The following ADD3 variants were observed in gnomAD, a reference collection of about 807,000 sequenced individuals.
ADD3 encodes the protein gamma-adducin.
A neutral mutation model predicts 80.2 loss-of-function variants in ADD3; 25 were observed. The observed-to-expected ratio is 0.31, with a 90% CI of 0.23 to 0.44. ADD3 has a LOEUF of 0.44. Ranked by LOEUF, ADD3 falls within the 20% of genes least tolerant of loss-of-function variation. The pLI is 1.00. For synonymous variants in ADD3, 284 were observed against 289.6 expected, an observed-to-expected ratio of 0.98 and a Z score of 0.20; for missense variants, 829 against 847.5, an observed-to-expected ratio of 0.98 and a Z score of 0.27.
intron 1 of ADD3, among the ~76,000 whole-genome samples, chr10:110,079,459 A>AGTGTGT (rs1238883360): frequency 2.7e-5 from 3 of 112,326 alleles, no homozygotes; most frequent in African/African-American, 9.3e-5. Context: ...AGAGAGAGAG[A>AGTGTGT]GAGTGTGTGT....
chr10:110,019,210 A>G (rs1853360387), intron 1 of ADD3, among the ~76,000 whole-genome samples: 1 of 151,956 alleles, frequency 6.6e-6, no homozygotes, highest in South Asian at 2.1e-4. Context: ...AATTTTTGTA[A>G]AATAACATTG....
chr10:110,073,346 G>T (rs1845007579), intron 1 of ADD3, among the ~76,000 whole-genome samples: 1 of 151,842 alleles, frequency 6.6e-6, no homozygotes, highest in African/African-American at 2.4e-5. Flanking sequence ...ATTTCACCGT[G>T]TTAGCCAGGA....
At chr10:110,022,142 T>C (rs929471529) in intron 1 of ADD3, among the ~76,000 whole-genome samples, 2 of 152,188 alleles carry the variant, frequency 1.3e-5, no homozygotes, top group South Asian at 2.1e-4. Flanking sequence ...GTCTAATTTT[T>C]TTTTTAACAC....
At chr10:110,075,590 T>G (rs903923172) in intron 1 of ADD3, 2 of 152,196 alleles carry the variant, frequency 1.3e-5, no homozygotes, top group African/African-American at 2.4e-5. Flanking sequence ...TTGGCTGTGT[T>G]TTTCTTCTCT....
At chr10:110,037,391 G>A (rs1564873778) in intron 1 of ADD3, among the ~76,000 whole-genome samples, 1 of 152,050 alleles carries the variant, frequency 6.6e-6, no homozygotes, top group African/African-American at 2.4e-5. Context: ...GATCACTTGA[G>A]GTCAGGAATT....
Position 110,119,448 on chromosome 10 carries a change from G to A in ADD3, c.862-18G>A. 1.2e-6 allele frequency: 2 copies of A among 1,613,688 alleles called. No individual in the cohort carries two copies. Among genetic ancestry groups the A allele is most frequent in the East Asian group, 2.2e-5 (1 of 44,876 alleles). On this transcript the variant is annotated intron_variant, in intron 7 of 14. Transcript: ENST00000356080. ...ATGCCAGTTATTTCAAGTGATTGCTGTGGGCATTCTATTTTAGGTGCTGGT... is the reference window on the plus strand; with the variant it reads ...ATGCCAGTTATTTCAAGTGATTGCTATGGGCATTCTATTTTAGGTGCTGGT...
chr10:110,133,217 G>A, intron 14 of ADD3, 109 bp from the exon 15 acceptor site: 2 of 1,074,752 alleles, frequency 1.9e-6, no homozygotes, highest in Non-Finnish European at 2.6e-6. Context: ...TGTCTTCATT[G>A]GAATCAAAGT....
chr10:110,060,661 C>T (rs970742014), intron 1 of ADD3, among the ~76,000 whole-genome samples: 7 of 152,270 alleles, frequency 4.6e-5, no homozygotes, highest in African/African-American at 1.7e-4. Flanking sequence ...TACTTCCTTC[C>T]TTGGGATTTT....
chr10:110,036,935 G>A (rs1269808594), intron 1 of ADD3, among the ~76,000 whole-genome samples: 2 of 152,114 alleles, frequency 1.3e-5, no homozygotes, highest in Non-Finnish European at 2.9e-5. Flanking sequence ...AAAAAATACA[G>A]CCTCTTTTTA....
intron 3 of ADD3, among the ~76,000 whole-genome samples, chr10:110,113,193 G>A (rs543791278): frequency 6.6e-6 from 1 of 152,242 alleles, no homozygotes; most frequent in East Asian, 1.9e-4. Context: ...TGGGAGAAAT[G>A]CTTGAGCCCA....
intron 1 of ADD3, among the ~76,000 whole-genome samples, chr10:110,091,133 T>C (rs1590076329): frequency 6.6e-6 from 1 of 152,324 alleles, no homozygotes; most frequent in South Asian, 2.1e-4. Context: ...TTGCTACTTT[T>C]AGAATATTTA....
intron 1 of ADD3, among the ~76,000 whole-genome samples, chr10:109,999,792 A>G (rs1851449652): frequency 6.6e-6 from 1 of 152,202 alleles, no homozygotes; most frequent in South Asian, 2.1e-4. Context: ...TTTATTGAAC[A>G]TTCAGCATTT....
chr10:110,130,832 G>A (rs539490974), intron 13 of ADD3, among the ~76,000 whole-genome samples: 20 of 151,280 alleles, frequency 1.3e-4, no homozygotes, highest in Non-Finnish European at 2.8e-4. Context: ...CTGCAGCCTG[G>A]GCGACAGAGA....
At chr10:110,107,448 T>C (rs1849515340) in intron 2 of ADD3, among the ~76,000 whole-genome samples, 1 of 152,076 alleles carries the variant, frequency 6.6e-6, no homozygotes, top group South Asian at 2.1e-4. Context: ...AAGAACCTCA[T>C]AGGCTAAAGC....
chr10:110,003,177 G>T (rs3862007), upstream of ADD3, among the ~76,000 whole-genome samples: 2 of 151,946 alleles, frequency 1.3e-5, no homozygotes, highest in African/African-American at 2.4e-5. Flanking sequence ...GTAAATTTTG[G>T]GGGGGTGGGA....
In ADD3 at chr10:110,075,070, A is replaced by C. The variant is rs144144520; in HGVS notation, c.-29-25555A>C. On this transcript the variant is annotated intron_variant, in intron 1 of 14. Coordinates refer to ENST00000356080, the MANE Select transcript of ADD3 (RefSeq NM_016824.5). ...AGCATTGGTTCCCAACAACTTTCAC[A>C]TTTATAAGGATTTTTTAAAGGGACT... Among the ~76,000 whole-genome samples the C allele has an allele frequency of 9.0e-4, 137 of 152,322 alleles. 1 individual carries two copies. Among genetic ancestry groups the C allele is most frequent in the African/African-American group, 3.0e-3 (125 of 41,570 alleles).
At chr10:110,121,845 C>T (rs1484671859) in intron 8 of ADD3, 5 of 282,796 alleles carry the variant, frequency 1.8e-5, no homozygotes, top group Non-Finnish European at 3.2e-5. Context: ...AGCAGAATTC[C>T]GTGGCTTAAA....
chr10:110,021,866 T>C (rs998707912), intron 1 of ADD3, among the ~76,000 whole-genome samples: 2 of 152,210 alleles, frequency 1.3e-5, no homozygotes, highest in African/African-American at 4.8e-5. Context: ...TTTTATGGTA[T>C]ATGAATTATG....
chr10:110,047,995 C>G (rs1213928554), intron 1 of ADD3, among the ~76,000 whole-genome samples: 2 of 152,120 alleles, frequency 1.3e-5, no homozygotes, highest in Admixed American at 1.3e-4. Flanking sequence ...TGTCCCCACC[C>G]AAATCCCATA....
Sources: allele counts gnomAD v4.1 joint callset (sites outside exome capture counted in the v4.1 genomes callset), GRCh38; gene constraint gnomAD v4.1.1; transcripts MANE v1.5; gene names NCBI Gene and HGNC (gene_info 2026-07-23, HGNC 2026-07-21).